LUZP2: variants seen among roughly 807,000 people sequenced by gnomAD.
LUZP2 encodes leucine zipper protein 2.
In LUZP2, 52 loss-of-function variants were observed where a neutral mutation model predicts 51.6. The observed-to-expected ratio is 1.01, with a 90% confidence interval of 0.81 to 1.27. The LOEUF is 1.27. Among genes scored for constraint, LUZP2 ranks in the 50% most tolerant of loss-of-function variants. The pLI is 0.00. For synonymous variants in LUZP2, 154 were observed against 137.3 expected, an observed-to-expected ratio of 1.12 and a Z score of -0.85; for missense variants, 436 against 395.4, an observed-to-expected ratio of 1.10 and a Z score of -0.87.
chr11:25,034,271 G>T (rs1565259818), intron 9 of LUZP2, among the ~76,000 whole-genome samples: 1 of 151,914 alleles, frequency 6.6e-6, no homozygotes, highest in Non-Finnish European at 1.5e-5. Flanking sequence ...TTTTAACAGG[G>T]TTATTTGTTT....
At chr11:24,564,129 T>C (rs1056819778) in intron 1 of LUZP2, among the ~76,000 whole-genome samples, 3 of 152,180 alleles carry the variant, frequency 2.0e-5, no homozygotes, top group Admixed American at 2.0e-4. Flanking sequence ...GTGGGCTTCA[T>C]GTTGTTTGAA....
At chr11:24,860,094 T>C (rs1296454870) in intron 5 of LUZP2, among the ~76,000 whole-genome samples, 2 of 152,172 alleles carry the variant, frequency 1.3e-5, no homozygotes, top group Non-Finnish European at 2.9e-5. Flanking sequence ...CAGGCTACGC[T>C]TTTCCCCTGC....
At chr11:24,777,540 C>G (rs1300097831) in intron 5 of LUZP2, among the ~76,000 whole-genome samples, 2 of 152,066 alleles carry the variant, frequency 1.3e-5, no homozygotes, top group African/African-American at 4.8e-5. Flanking sequence ...TAATGAAAAT[C>G]TAATGTATCA....
intron 1 of LUZP2, among the ~76,000 whole-genome samples, chr11:24,682,638 A>T (rs1856779531): frequency 1.3e-5 from 2 of 149,698 alleles, no homozygotes; most frequent in Non-Finnish European, 3.0e-5. Context: ...ATACACATAT[A>T]TATACACACA....
chr11:24,694,414 C>G (rs186719547), intron 1 of LUZP2, among the ~76,000 whole-genome samples: 5 of 152,192 alleles, frequency 3.3e-5, no homozygotes, highest in African/African-American at 4.8e-5. Context: ...TAATGTCAGT[C>G]TTTTGTGTTT....
At chr11:25,025,048 G>A (rs1336247388) in intron 9 of LUZP2, among the ~76,000 whole-genome samples, 1 of 152,076 alleles carries the variant, frequency 6.6e-6, no homozygotes, top group Non-Finnish European at 1.5e-5. Flanking sequence ...AATGGGGAAA[G>A]GATTCCCTAT....
At chr11:24,856,810 G>A (rs1166389506) in intron 5 of LUZP2, among the ~76,000 whole-genome samples, 1 of 151,886 alleles carries the variant, frequency 6.6e-6, no homozygotes, top group African/African-American at 2.4e-5. Flanking sequence ...TGGAACTAGA[G>A]GCCATTATCT....
At chr11:24,954,815 T>C (rs762140475) in intron 7 of LUZP2, among the ~76,000 whole-genome samples, 2 of 152,084 alleles carry the variant, frequency 1.3e-5, no homozygotes, top group Non-Finnish European at 2.9e-5. Flanking sequence ...TATGATATTC[T>C]ACAAGATAGT....
At chr11:24,876,263 T>A (rs1429252550) in intron 5 of LUZP2, among the ~76,000 whole-genome samples, 1 of 149,578 alleles carries the variant, frequency 6.7e-6, no homozygotes, top group Non-Finnish European at 1.5e-5. Context: ...CCATCTTGAA[T>A]TAATTTTTGT....
intron 7 of LUZP2, among the ~76,000 whole-genome samples, chr11:24,916,514 G>C (rs1478472680): frequency 6.6e-6 from 1 of 151,906 alleles, no homozygotes; most frequent in Non-Finnish European, 1.5e-5. Flanking sequence ...GCTGTGGTGT[G>C]TGATGTTCCC....
chr11:24,609,790 A>G (rs953021247), intron 1 of LUZP2, among the ~76,000 whole-genome samples: 13 of 150,220 alleles, frequency 8.7e-5, no homozygotes, highest in Non-Finnish European at 1.6e-4. Context: ...CAGCAAGTTA[A>G]ATTGCAAACC....
intron 7 of LUZP2, among the ~76,000 whole-genome samples, chr11:24,943,279 T>A (rs74565790): frequency 0.01 from 1,573 of 152,312 alleles, 34 homozygotes; most frequent in African/African-American, 0.035. Context: ...TAATTCATAG[T>A]TTTGTGCAAA....
chr11:24,941,504 G>A (rs373243116), intron 7 of LUZP2, among the ~76,000 whole-genome samples: 48 of 152,088 alleles, frequency 3.2e-4, no homozygotes, highest in African/African-American at 1.0e-3. Context: ...CAACTTCAGC[G>A]TGTCCAACAC....
intron 1 of LUZP2, among the ~76,000 whole-genome samples, chr11:24,697,517 C>G (rs1474368650): frequency 6.6e-6 from 1 of 152,160 alleles, no homozygotes; most frequent in Non-Finnish European, 1.5e-5. Flanking sequence ...CTACCTTTGC[C>G]CATTTTTAGG....
chr11:24,905,841 G>T, intron 5 of LUZP2, 150 bp from the exon 6 acceptor site: 4 of 465,748 alleles, frequency 8.6e-6, no homozygotes, highest in Non-Finnish European at 1.5e-5. Flanking sequence ...TTACTTTACA[G>T]ATTTGATTCA....
intron 1 of LUZP2, among the ~76,000 whole-genome samples, chr11:24,668,717 A>G (rs994113165): frequency 6.6e-6 from 1 of 152,192 alleles, no homozygotes; most frequent in Admixed American, 6.6e-5. Flanking sequence ...AATGTCTGTT[A>G]CACTGCACGT....
chr11:24,548,305 G>T (rs1420086371), intron 1 of LUZP2, among the ~76,000 whole-genome samples: 2 of 152,048 alleles, frequency 1.3e-5, no homozygotes, highest in Non-Finnish European at 2.9e-5. Flanking sequence ...AAACCTAAGT[G>T]CCTATCAAAG....
chr11:24,718,944 C>G (rs139543546), intron 1 of LUZP2, among the ~76,000 whole-genome samples: 2 of 151,988 alleles, frequency 1.3e-5, no homozygotes, highest in East Asian at 3.9e-4. Flanking sequence ...TTGAAATAGA[C>G]AAAACACATT....
intron 10 of LUZP2, among the ~76,000 whole-genome samples, chr11:25,058,398 G>A (rs182735564): frequency 7.9e-5 from 12 of 152,114 alleles, no homozygotes; most frequent in East Asian, 7.7e-4. Context: ...CCCAGTAACC[G>A]TGTTAATATA....
Sources: gnomAD v4.1 joint callset for allele counts (sites outside exome capture counted in the v4.1 genomes callset) on GRCh38, gnomAD v4.1.1 for gene constraint, MANE v1.5 for transcripts, NCBI Gene and HGNC (gene_info 2026-07-23, HGNC 2026-07-21) for gene names.